GLI3: variants seen among roughly 807,000 people sequenced by gnomAD.
GLI3 encodes transcription activator GLI3.
A neutral mutation model predicts 100.8 loss-of-function variants in GLI3; 20 were observed. The ratio of observed to expected loss-of-function variants is 0.20; its 90% CI spans 0.14 to 0.29. The LOEUF (loss-of-function observed/expected upper bound fraction) is 0.29. Among genes scored for constraint, GLI3 ranks in the 10% least tolerant of loss-of-function variants. GLI3 has a pLI of 1.00. For synonymous variants in GLI3, 938 were observed against 860.5 expected, an observed-to-expected ratio of 1.09 and a Z score of -1.58; for missense variants, 2,040 against 2,128.5, an observed-to-expected ratio of 0.96 and a Z score of 0.82.
intron 13 of GLI3, among the ~76,000 whole-genome samples, chr7:41,969,928 T>G (rs1285469425): frequency 6.6e-6 from 1 of 152,190 alleles, no homozygotes; most frequent in East Asian, 1.9e-4. Context: ...GTGTGATTTG[T>G]TATGGAAACC....
At chr7:41,971,478 T>C (rs1231498538) in intron 13 of GLI3, among the ~76,000 whole-genome samples, 1 of 152,214 alleles carries the variant, frequency 6.6e-6, no homozygotes, top group Non-Finnish European at 1.5e-5. Flanking sequence ...TTTAGGTGTT[T>C]TATAAAATCA....
chr7:42,247,866 G>A (rs1406276991), intron 1 of GLI3, among the ~76,000 whole-genome samples: 5 of 152,294 alleles, frequency 3.3e-5, no homozygotes, highest in Admixed American at 6.5e-5. Context: ...TCTGAACTGC[G>A]TGAGCAACAC....
chr7:42,026,960 A>C (rs1289349011), intron 7 of GLI3, among the ~76,000 whole-genome samples: 1 of 152,248 alleles, frequency 6.6e-6, no homozygotes, highest in Non-Finnish European at 1.5e-5. Flanking sequence ...AATTTCCATC[A>C]GTGCCGTCTG....
chr7:42,132,402 C>A (rs1786313796), intron 3 of GLI3, among the ~76,000 whole-genome samples: 1 of 152,030 alleles, frequency 6.6e-6, no homozygotes, highest in Admixed American at 6.6e-5. Context: ...GCCCGGCCGG[C>A]TTCATGATTT....
intron 2 of GLI3, among the ~76,000 whole-genome samples, chr7:42,220,829 T>C (rs1375003209): frequency 1.3e-5 from 2 of 152,256 alleles, no homozygotes; most frequent in Admixed American, 6.5e-5. Context: ...TTTATTTGAT[T>C]TTTGTCCCAA....
At chr7:42,201,578 T>C (rs1318785435) in intron 2 of GLI3, among the ~76,000 whole-genome samples, 2 of 152,120 alleles carry the variant, frequency 1.3e-5, no homozygotes, top group Non-Finnish European at 2.9e-5. Context: ...GGGAAATGTG[T>C]CGTTAGGCAA....
rs187040341 is a variant in GLI3 at position 41,986,661 on chromosome 7, T to C, written c.1498-7913A>G. ...AAATCTATATATTAAAAAAGGTGGG[T>C]GAATAGAGAAATTGGGGATGACAGC... is the stretch of plus-strand genomic sequence containing the variant. On this transcript the variant is annotated intron_variant, in intron 10 of 14. Coordinates refer to ENST00000395925, the MANE Select transcript of GLI3 (RefSeq NM_000168.6). Among the ~76,000 whole-genome samples, 40 of 151,846 alleles carry C rather than the reference T, an allele frequency of 2.6e-4. 1 individual carries two copies. Among genetic ancestry groups the C allele is most frequent in the Non-Finnish European group, 5.0e-4 (34 of 67,838 alleles).
intron 3 of GLI3, among the ~76,000 whole-genome samples, chr7:42,125,914 A>C (rs185823015): frequency 6.6e-6 from 1 of 152,328 alleles, no homozygotes; most frequent in East Asian, 1.9e-4. Flanking sequence ...AAAATCACAT[A>C]TTTTCACAGG....
intron 10 of GLI3, among the ~76,000 whole-genome samples, chr7:41,986,194 C>T (rs549691827): frequency 5.9e-5 from 9 of 152,224 alleles, no homozygotes; most frequent in African/African-American, 1.4e-4. Flanking sequence ...TAAAAAAATA[C>T]GCTTCTTGGT....
chr7:42,219,877 AG>A (rs1482496616), intron 2 of GLI3, among the ~76,000 whole-genome samples: 1 of 145,826 alleles, frequency 6.9e-6, no homozygotes, highest in Non-Finnish European at 1.5e-5. Flanking sequence ...TTTTTGAGAC[AG>A]AGTCTCGTTC....
At chr7:42,023,790 G>A (rs1213751370) in intron 9 of GLI3, among the ~76,000 whole-genome samples, 182 bp from the exon 10 acceptor site, 1 of 152,162 alleles carries the variant, frequency 6.6e-6, no homozygotes, top group Non-Finnish European at 1.5e-5. Context: ...AATACACTCT[G>A]AGAGTTTTAA....
At chr7:42,138,305 C>T (rs933356185) in intron 3 of GLI3, among the ~76,000 whole-genome samples, 1 of 152,246 alleles carries the variant, frequency 6.6e-6, no homozygotes, top group Non-Finnish European at 1.5e-5. Flanking sequence ...CTATCTCCCA[C>T]ATCATCGATC....
chr7:42,025,899 A>G (rs1445212146), intron 8 of GLI3, among the ~76,000 whole-genome samples: 2 of 152,246 alleles, frequency 1.3e-5, no homozygotes, highest in African/African-American at 4.8e-5. Context: ...ATGCATCCAC[A>G]TGCTGCACTG....
chr7:42,028,232 G>A (rs993403698), intron 7 of GLI3, among the ~76,000 whole-genome samples: 1 of 152,076 alleles, frequency 6.6e-6, no homozygotes, highest in Non-Finnish European at 1.5e-5. Context: ...ATGGCACACC[G>A]ACTTTGCATG....
intron 2 of GLI3, among the ~76,000 whole-genome samples, chr7:42,155,264 A>G (rs1223172354): frequency 6.6e-6 from 1 of 151,874 alleles, no homozygotes; most frequent in East Asian, 1.9e-4. Flanking sequence ...ACATGGAGAA[A>G]CCCCATCTCT....
intron 10 of GLI3, among the ~76,000 whole-genome samples, chr7:42,010,006 C>CT (rs938027250): frequency 9.8e-5 from 15 of 152,310 alleles, no homozygotes; most frequent in Non-Finnish European, 2.2e-4. Flanking sequence ...ATGTATCTAA[C>CT]TTTATCAAAG....
intron 3 of GLI3, among the ~76,000 whole-genome samples, chr7:42,115,578 C>A: frequency 6.6e-6 from 1 of 152,136 alleles, no homozygotes. Flanking sequence ...TCTGTCAGGC[C>A]CCCGGGCTGC....
At chr7:42,249,731 C>G (rs1369084048) in intron 1 of GLI3, among the ~76,000 whole-genome samples, 1 of 151,932 alleles carries the variant, frequency 6.6e-6, no homozygotes, top group Non-Finnish European at 1.5e-5. Flanking sequence ...CTTTTCCTTT[C>G]CTAACCCTCA....
At chr7:42,223,453 A>G (rs1788527134) in intron 1 of GLI3, among the ~76,000 whole-genome samples, 158 bp from the exon 2 acceptor site, 2 of 150,964 alleles carry the variant, frequency 1.3e-5, no homozygotes, top group Admixed American at 6.6e-5. Context: ...CAAAAAAAAA[A>G]GTCTCAAAAT....
Sources: allele counts gnomAD v4.1 joint callset (sites outside exome capture counted in the v4.1 genomes callset), GRCh38; gene constraint gnomAD v4.1.1; transcripts MANE v1.5; gene names NCBI Gene and HGNC (gene_info 2026-07-23, HGNC 2026-07-21).